Variants in RAB7B observed in about 807,000 individuals in gnomAD.
RAB7B encodes RAB7B, member RAS oncogene family, also known as ras-related protein Rab-7b.
chr1:205,988,045 T>C (rs1330226358), intron 4 of RAB7B, among the ~76,000 whole-genome samples: 1 of 152,062 alleles, frequency 6.6e-6, no homozygotes, highest in African/African-American at 2.4e-5. Flanking sequence ...TGGCTCATTG[T>C]AACCATTTTT....
chr1:205,992,179 C>T (rs993714205), intron 4 of RAB7B, among the ~76,000 whole-genome samples: 2 of 152,146 alleles, frequency 1.3e-5, no homozygotes, highest in South Asian at 2.1e-4. Context: ...TTTATTCAGC[C>T]CAGAACCCAG....
At chr1:205,991,199 G>C (rs1484706773) in intron 4 of RAB7B, among the ~76,000 whole-genome samples, 1 of 152,200 alleles carries the variant, frequency 6.6e-6, no homozygotes, top group Non-Finnish European at 1.5e-5. Flanking sequence ...AGGAGGAAGT[G>C]TGGACCTCAA....
chr1:205,985,744 A>ACCAGGCCCACCC, intron 4 of RAB7B, 79 bp from the exon 5 acceptor site: 1 of 354,502 alleles, frequency 2.8e-6, no homozygotes, highest in Non-Finnish European at 4.9e-6. Context: ...CATCCCCACC[A>ACCAGGCCCACCC]TCCCCATCAG....
chr1:205,992,059 T>G (rs1660730504), intron 4 of RAB7B, among the ~76,000 whole-genome samples: 1 of 152,208 alleles, frequency 6.6e-6, no homozygotes, highest in Non-Finnish European at 1.5e-5. Context: ...GTGCCACAGA[T>G]TAATTCAAAT....
At chr1:205,993,661 T>G (rs1033074512) in intron 2 of RAB7B, 115 bp from the exon 3 acceptor site, 23 of 396,466 alleles carry the variant, frequency 5.8e-5, no homozygotes, top group Non-Finnish European at 9.3e-5. Context: ...TCCCTGAGAT[T>G]CTGAATTTCA....
intron 5 of RAB7B, among the ~76,000 whole-genome samples, chr1:205,982,064 G>C (rs1185766101): frequency 6.6e-6 from 1 of 152,244 alleles, no homozygotes. Flanking sequence ...GCTCTCAGCA[G>C]GTGCCTCACA....
intron 5 of RAB7B, among the ~76,000 whole-genome samples, chr1:205,982,646 C>T (rs1241838090): frequency 1.3e-5 from 2 of 152,170 alleles, no homozygotes; most frequent in African/African-American, 2.4e-5. Context: ...CAGGGACACA[C>T]AATGAGAGGT....
intron 1 of RAB7B, among the ~76,000 whole-genome samples, chr1:206,001,506 A>G (rs1660890323): frequency 6.6e-6 from 1 of 152,166 alleles, no homozygotes; most frequent in South Asian, 2.1e-4. Flanking sequence ...TAGTGTTGTC[A>G]CTAAGCCTCA....
chr1:205,990,638 G>A (rs1660705440), intron 4 of RAB7B, among the ~76,000 whole-genome samples: 1 of 152,154 alleles, frequency 6.6e-6, no homozygotes, highest in Admixed American at 6.5e-5. Context: ...AAAGCCAGGG[G>A]TTGAGGAGGA....
At chr1:205,987,559 T>C (rs1660633091) in intron 4 of RAB7B, among the ~76,000 whole-genome samples, 2 of 152,226 alleles carry the variant, frequency 1.3e-5, no homozygotes, top group Non-Finnish European at 2.9e-5. Context: ...CTAACGTTAA[T>C]TACTAAACCA....
Position 205,985,418 on chromosome 1 carries a change from G to A in RAB7B, c.522+122C>T, listed in dbSNP as rs932950710. ...CATTCCATAACTAATTAACTGAGAC[G>A]ATGAGCAATCCTGTCCCACCCACAT... On this transcript the variant is annotated intron_variant, in intron 5 of 5. Coordinates refer to ENST00000617070, the MANE Select transcript of RAB7B (RefSeq NM_001164522.3). 38 of 396,686 alleles carry A rather than the reference G, an allele frequency of 9.6e-5. No homozygotes were observed. In the East Asian group the frequency reaches 1.3e-3, roughly 14 times the overall value. The allele number at this position is 396,686 out of a possible 1,614,324, so 24.6% of individuals were successfully genotyped here.
intron 5 of RAB7B, among the ~76,000 whole-genome samples, chr1:205,982,754 T>G (rs1382908084): frequency 6.6e-6 from 1 of 152,034 alleles, no homozygotes; most frequent in Non-Finnish European, 1.5e-5. Context: ...GCCTCCCACA[T>G]TCTCCTCTCA....
intron 3 of RAB7B, 110 bp from the exon 4 acceptor site, chr1:205,992,805 C>T: frequency 2.5e-6 from 1 of 397,678 alleles, no homozygotes; most frequent in Non-Finnish European, 4.4e-6. Flanking sequence ...GCAGCAGGCC[C>T]TGGTACAGGT....
chr1:205,986,356 C>T (rs1409408764), intron 4 of RAB7B, among the ~76,000 whole-genome samples: 3 of 152,198 alleles, frequency 2.0e-5, no homozygotes, highest in African/African-American at 7.2e-5. Context: ...ATTATCAGTT[C>T]CACTTTATAG....
chr1:205,986,559 C>T (rs933271948), intron 4 of RAB7B, among the ~76,000 whole-genome samples: 1 of 152,202 alleles, frequency 6.6e-6, no homozygotes, highest in Non-Finnish European at 1.5e-5. Context: ...GAGCTCAGCT[C>T]CTGGTCTGGC....
At chr1:205,991,132 C>T (rs2102639225) in intron 4 of RAB7B, among the ~76,000 whole-genome samples, 1 of 152,272 alleles carries the variant, frequency 6.6e-6, no homozygotes, top group South Asian at 2.1e-4. Flanking sequence ...ACCTCTTCTC[C>T]CTCTTCCTGC....
intron 1 of RAB7B, among the ~76,000 whole-genome samples, chr1:206,000,871 G>GC (rs1188859581): frequency 6.6e-6 from 1 of 152,202 alleles, no homozygotes; most frequent in Non-Finnish European, 1.5e-5. Flanking sequence ...AGCCAGACCT[G>GC]CCCCATGGAG....
At chr1:205,982,474 G>A (rs1660513272) in intron 5 of RAB7B, among the ~76,000 whole-genome samples, 1 of 152,208 alleles carries the variant, frequency 6.6e-6, no homozygotes, top group South Asian at 2.1e-4. Flanking sequence ...CTCCCTTGCT[G>A]AAAACCCTAT....
At chr1:205,985,694 G>A in intron 4 of RAB7B, 29 bp from the exon 5 acceptor site, 1 of 294,120 alleles carries the variant, frequency 3.4e-6, no homozygotes, top group Non-Finnish European at 6.1e-6. Context: ...TAGGCGTGGT[G>A]TCTGTATTAT....
Sources: allele counts gnomAD v4.1 joint callset (sites outside exome capture counted in the v4.1 genomes callset), GRCh38; gene constraint gnomAD v4.1.1; transcripts MANE v1.5; gene names NCBI Gene and HGNC (gene_info 2026-07-23, HGNC 2026-07-21).